The following TBC1D5 variants were observed in gnomAD, a reference collection of about 807,000 sequenced individuals.
The protein encoded by TBC1D5 is TBC1 domain family, member 5.
A neutral mutation model predicts 100.3 loss-of-function variants in TBC1D5; 75 were observed. The observed-to-expected ratio is 0.75, with a 90% CI of 0.62 to 0.91. The LOEUF (loss-of-function observed/expected upper bound fraction) is 0.91, where lower values mean the gene tolerates loss of function less well. Among genes scored for constraint, TBC1D5 ranks in the 40% least tolerant of loss-of-function variants. TBC1D5 has a pLI of 0.00. For missense variants in TBC1D5, 910 were observed against 942.4 expected, an observed-to-expected ratio of 0.97 and a Z score of 0.45; for synonymous variants, 323 against 325.6, an observed-to-expected ratio of 0.99 and a Z score of 0.09.
intron 3 of TBC1D5, among the ~76,000 whole-genome samples, chr3:17,460,705 A>T (rs914863917): frequency 5.9e-5 from 9 of 152,020 alleles, no homozygotes; most frequent in African/African-American, 1.9e-4. Context: ...GCATATATAC[A>T]TATATGCCAA....
intron 3 of TBC1D5, among the ~76,000 whole-genome samples, chr3:17,459,632 G>T (rs539549945): frequency 6.6e-6 from 1 of 152,012 alleles, no homozygotes; most frequent in African/African-American, 2.4e-5. Flanking sequence ...ATGCAGCAGC[G>T]CTCACTTCCA....
rs2061964747 is a variant in TBC1D5, at chr3:17,614,554, T to C, written c.-36+9295A>G. On this transcript the variant is annotated intron_variant, in intron 2 of 21. Transcript: ENST00000253692. ...TTCCTCCATTTGTTTCTGTCCTCTTTTATTTCGTTGAGCAGTGGTTTGTAG... is the reference window on the plus strand; with the variant it reads ...TTCCTCCATTTGTTTCTGTCCTCTTCTATTTCGTTGAGCAGTGGTTTGTAG... 2.6e-5 allele frequency among the ~76,000 whole-genome samples: 4 copies of C among 152,328 alleles called. 2 individuals carry two copies. The South Asian group carries it at 8.3e-4, about 32-fold the overall frequency.
In TBC1D5 at chr3:17,680,829, T is replaced by C. The variant is rs184718467; in HGVS notation, c.-100-56916A>G. Among the ~76,000 whole-genome samples the C allele has an allele frequency of 2.2e-3, 337 of 151,496 alleles. 17 individuals carry two copies. The highest frequency in any genetic ancestry group is 7.1e-3 in the African/African-American group (290 of 40,814). The stretch of plus-strand genomic sequence containing the variant: ...CTGAAGTACAACAGGGTCCCCTTTT[T>C]TGTTTGCAAACTCTAAATTTAATAA... On this transcript the variant is annotated intron_variant, in intron 1 of 21. Transcript: ENST00000253692.
At chr3:17,421,090 T>C (rs947747876) in intron 4 of TBC1D5, among the ~76,000 whole-genome samples, 4 of 152,146 alleles carry the variant, frequency 2.6e-5, no homozygotes, top group Non-Finnish European at 4.4e-5. Flanking sequence ...AAATAGAGGG[T>C]AACATTTTTT....
At chr3:17,618,891 C>T (rs946116635) in intron 2 of TBC1D5, among the ~76,000 whole-genome samples, 1 of 152,184 alleles carries the variant, frequency 6.6e-6, no homozygotes. Context: ...CTTCAGCTCA[C>T]CCTCCATGGG....
In TBC1D5 at chr3:17,230,959, G is replaced by A. The variant is rs184464239; in HGVS notation, c.1588+7204C>T. 6.1e-4 allele frequency among the ~76,000 whole-genome samples: 93 copies of A among 152,130 alleles called. No homozygotes were observed. The East Asian group carries it at 9.3e-3, about 15-fold the overall frequency. ...ATACCTAATACAATGTAAATGCTAC[G>A]TAAATGGTGGTTATACCATATTGTC... On this transcript the variant is annotated intron_variant, in intron 17 of 21. Coordinates refer to ENST00000253692, the Ensembl canonical transcript of TBC1D5.
chr3:17,457,978 A>C (rs1194303886), intron 3 of TBC1D5, among the ~76,000 whole-genome samples: 2 of 152,154 alleles, frequency 1.3e-5, no homozygotes, highest in Non-Finnish European at 2.9e-5. Flanking sequence ...TAGTTTGTAA[A>C]AATATTTCTT....
intron 18 of TBC1D5, among the ~76,000 whole-genome samples, chr3:17,188,990 G>C (rs982040174): frequency 3.9e-5 from 6 of 152,126 alleles, no homozygotes; most frequent in Non-Finnish European, 5.9e-5. Flanking sequence ...ATAGGGTGGG[G>C]AACAAAGGAA....
At chr3:17,616,032 T>C (rs1204038936) in intron 2 of TBC1D5, among the ~76,000 whole-genome samples, 2 of 152,232 alleles carry the variant, frequency 1.3e-5, no homozygotes, top group Non-Finnish European at 1.5e-5. Context: ...TTTAGAGCTA[T>C]AAATTTCCCT....
chr3:17,480,028 C>T (rs2150303314), intron 3 of TBC1D5, among the ~76,000 whole-genome samples: 1 of 152,316 alleles, frequency 6.6e-6, no homozygotes, highest in East Asian at 1.9e-4. Context: ...TGTGGCCTGG[C>T]CTCTCCCTGC....
intron 3 of TBC1D5, among the ~76,000 whole-genome samples, chr3:17,485,332 TTTA>T (rs10663489): frequency 2.1e-4 from 31 of 149,696 alleles, no homozygotes; most frequent in South Asian, 4.2e-4. Flanking sequence ...GCCAATATTC[TTTA>T]TTATTATTAT....
At chr3:17,575,783 G>C (rs902545983) in intron 2 of TBC1D5, among the ~76,000 whole-genome samples, 2 of 151,982 alleles carry the variant, frequency 1.3e-5, no homozygotes, top group African/African-American at 4.8e-5. Context: ...ATAAGACAGA[G>C]AATGAACTAA....
At chr3:17,331,578 C>CAAAA (rs2086868798) in intron 13 of TBC1D5, among the ~76,000 whole-genome samples, 1 of 152,184 alleles carries the variant, frequency 6.6e-6, no homozygotes, top group Non-Finnish European at 1.5e-5. Context: ...AAGAATGTAT[C>CAAAA]TATGCCAGGT....
intron 9 of TBC1D5, among the ~76,000 whole-genome samples, chr3:17,380,083 GTGTGTGTA>G (rs1463899669): frequency 4.8e-5 from 7 of 146,910 alleles, no homozygotes; most frequent in African/African-American, 1.5e-4. Context: ...GTGTGTGTGT[GTGTGTGTA>G]TACACATCCA....
At chr3:17,187,100 A>G (rs966053887) in intron 18 of TBC1D5, among the ~76,000 whole-genome samples, 1 of 152,194 alleles carries the variant, frequency 6.6e-6, no homozygotes, top group Admixed American at 6.5e-5. Context: ...TTAGAGAAAG[A>G]AGGCTACATC....
intron 13 of TBC1D5, among the ~76,000 whole-genome samples, chr3:17,314,059 A>T (rs1054303692): frequency 2.6e-5 from 4 of 152,088 alleles, no homozygotes; most frequent in Non-Finnish European, 5.9e-5. Flanking sequence ...TGCTTTGCCC[A>T]GGCCTGATAT....
chr3:17,340,928 T>A (rs1256309774), intron 13 of TBC1D5, among the ~76,000 whole-genome samples: 1 of 152,220 alleles, frequency 6.6e-6, no homozygotes, highest in Non-Finnish European at 1.5e-5. Flanking sequence ...TCACTGTAGA[T>A]AAACTTCTGA....
intron 1 of TBC1D5, among the ~76,000 whole-genome samples, chr3:17,699,024 C>G (rs1184882523): frequency 1.3e-5 from 2 of 151,410 alleles, no homozygotes; most frequent in African/African-American, 2.4e-5. Flanking sequence ...ACCATTTGAC[C>G]CAGCCATCCC....
chr3:17,693,914 C>T (rs1423843637), intron 1 of TBC1D5, among the ~76,000 whole-genome samples: 1 of 152,202 alleles, frequency 6.6e-6, no homozygotes, highest in Non-Finnish European at 1.5e-5. Flanking sequence ...GCAATATTTG[C>T]TGTTCTGCAG....
Sources: gnomAD v4.1 joint callset for allele counts (sites outside exome capture counted in the v4.1 genomes callset) on GRCh38, gnomAD v4.1.1 for gene constraint, MANE v1.5 for transcripts, NCBI Gene and HGNC (gene_info 2026-07-23, HGNC 2026-07-21) for gene names.